Variants in NRCAM observed in about 807,000 individuals in gnomAD.
NRCAM encodes NgCAM-related cell adhesion molecule.
In NRCAM, 83 loss-of-function variants were observed where a neutral mutation model predicts 156.5. The ratio of observed to expected loss-of-function variants is 0.53; its 90% CI spans 0.44 to 0.64. The LOEUF (loss-of-function observed/expected upper bound fraction) is 0.64, where lower values mean the gene tolerates loss of function less well. NRCAM is among the 30% of genes least tolerant of loss of function. The pLI is 0.00. For missense variants in NRCAM, 1,417 were observed against 1,597.3 expected (o/e 0.89, Z 1.92); for synonymous variants, 538 against 563.9 (o/e 0.95, Z 0.65).
In NRCAM at chr7:108,245,656, T is replaced by C. The variant is rs187323523; in HGVS notation, c.-106-5486A>G. Among the ~76,000 whole-genome samples the C allele has an allele frequency of 2.0e-5, 3 of 152,346 alleles. No individual in the cohort carries two copies. The East Asian group carries it at 5.8e-4, about 29-fold the overall frequency. The stretch of plus-strand genomic sequence containing the variant: ...AAGCAGTCATTATTACCAAGTTTTG[T>C]GAATCCTTCCAGAGAGAGTTCAGGC... On this transcript the variant is annotated intron_variant, in intron 3 of 32. Transcript: ENST00000379028.
chr7:108,300,378 AAT>A (rs2098576704), intron 3 of NRCAM, among the ~76,000 whole-genome samples: 2 of 151,976 alleles, frequency 1.3e-5, no homozygotes, highest in African/African-American at 4.8e-5. Context: ...ATCTTTATGC[AAT>A]AAAATGTTAG....
chr7:108,360,493 T>G (rs2154316882), intron 2 of NRCAM, among the ~76,000 whole-genome samples: 1 of 152,312 alleles, frequency 6.6e-6, no homozygotes, highest in East Asian at 1.9e-4. Context: ...AAAATATTTC[T>G]AAGGCTAAAA....
chr7:108,158,642 G>C (rs1380067879), intron 32 of NRCAM, among the ~76,000 whole-genome samples: 2 of 151,808 alleles, frequency 1.3e-5, no homozygotes, highest in African/African-American at 4.8e-5. Context: ...TATTTAAAAG[G>C]TATTTTATAT....
chr7:108,155,843 C>T (rs985474754), intron 32 of NRCAM, among the ~76,000 whole-genome samples: 11 of 151,982 alleles, frequency 7.2e-5, no homozygotes, highest in African/African-American at 7.3e-5. Flanking sequence ...AGTTTTATGA[C>T]GGCAGACAAA....
rs555270949 is a variant in NRCAM at position 108,358,015 on chromosome 7, A to G, written c.-174+41421T>C. 5.9e-5 allele frequency among the ~76,000 whole-genome samples: 9 copies of G among 152,306 alleles called. No homozygotes were observed. In the South Asian group the frequency reaches 6.2e-4, roughly 11 times the overall value. On this transcript the variant is annotated intron_variant, in intron 2 of 32. Transcript: ENST00000379028. ...CTGACAATGTGTAAAATCTCAGGGAAGAATCTTGTGATTGAAATCTTCATA... is the reference window on the plus strand; with the variant it reads ...CTGACAATGTGTAAAATCTCAGGGAGGAATCTTGTGATTGAAATCTTCATA...
At chr7:108,334,171 G>C (rs191331244) in intron 2 of NRCAM, among the ~76,000 whole-genome samples, 1 of 152,212 alleles carries the variant, frequency 6.6e-6, no homozygotes, top group East Asian at 1.9e-4. Flanking sequence ...CATGTTTATG[G>C]ATGTGCCATT....
intron 2 of NRCAM, among the ~76,000 whole-genome samples, chr7:108,341,399 AGG>A (rs1347215759): frequency 1.3e-5 from 2 of 152,146 alleles, no homozygotes; most frequent in African/African-American, 4.8e-5. Flanking sequence ...TCACTATCCG[AGG>A]GGTCCTAGGA....
intron 29 of NRCAM, among the ~76,000 whole-genome samples, 154 bp from the exon 30 acceptor site, chr7:108,167,227 A>C (rs186679116): frequency 6.6e-6 from 1 of 152,370 alleles, no homozygotes; most frequent in East Asian, 1.9e-4. Context: ...AGTCATGTCA[A>C]ACAAATCAAT....
chr7:108,357,738 T>C (rs1278506862), intron 2 of NRCAM, among the ~76,000 whole-genome samples: 2 of 152,248 alleles, frequency 1.3e-5, no homozygotes, highest in Non-Finnish European at 2.9e-5. Context: ...GAAAGGCTCA[T>C]TGTTTTCTCT....
At position 108,194,163 on chromosome 7, in the gene NRCAM, A is replaced by G; in HGVS notation, c.1639T>C (p.Trp547Arg). 1 of 1,614,072 alleles carries G rather than the reference A, an allele frequency of 6.2e-7. No homozygotes were observed. The highest frequency in any genetic ancestry group is 8.5e-7 in the Non-Finnish European group (1 of 1,179,904). Residue 547 changes from tryptophan (W) to arginine (R), a missense_variant, in exon 17 of 33, where the codon TGG (tryptophan) becomes CGG (arginine). This residue lies in a region of NRCAM where 1,238 missense variants were observed against 1,336.4 expected (regional missense o/e 0.93). Transcript: ENST00000379028. The stretch of plus-strand genomic sequence containing the variant: ...GCATATTCGGGCTGTTTAACGATCC[A>G]TGTAGGATCTGAAATGTAGAGTCAT... ...EVHLEIKDPT[W>R]IVKQPEYAVV...
chr7:108,168,846 G>C (rs1049443199), intron 28 of NRCAM, among the ~76,000 whole-genome samples: 1 of 152,118 alleles, frequency 6.6e-6, no homozygotes, highest in Non-Finnish European at 1.5e-5. Context: ...CTCAATGCAG[G>C]TCTTTAAAAA....
chr7:108,248,911 C>T (rs1362816492), intron 3 of NRCAM, among the ~76,000 whole-genome samples: 1 of 152,068 alleles, frequency 6.6e-6, no homozygotes, highest in Non-Finnish European at 1.5e-5. Context: ...AAGTGACATC[C>T]TAGAGGATGG....
At position 108,278,170 on chromosome 7, in the gene NRCAM, C is replaced by T. The variant is rs188712352; in HGVS notation, c.-107+34495G>A. 1.2e-3 allele frequency among the ~76,000 whole-genome samples: 178 copies of T among 152,358 alleles called. 1 individual carries two copies. The highest frequency in any genetic ancestry group is 3.4e-3 in the Middle Eastern group (1 of 294). On this transcript the variant is annotated intron_variant, in intron 3 of 32. Transcript: ENST00000379028. ...TTTGTCAGTCCCTACTGGGAGGTGT[C>T]TCCCAGACAGGCTACACAGGGGTCA...
At chr7:108,395,930 C>T (rs777932872) in intron 2 of NRCAM, among the ~76,000 whole-genome samples, 4 of 152,202 alleles carry the variant, frequency 2.6e-5, no homozygotes, top group Non-Finnish European at 4.4e-5. Context: ...CTTGTGTTCA[C>T]AGTCTGCAAT....
In NRCAM at chr7:108,184,618, G is replaced by C; in HGVS notation, c.2036-4C>G. ...TCTTCATATTCGATGATGAATTCTG[G>C]TCACGACACACACACACCAAACCCA... On this transcript the variant is annotated splice_polypyrimidine_tract_variant and splice_region_variant and intron_variant, in intron 20 of 32. Coordinates refer to ENST00000379028, the MANE Select transcript of NRCAM (RefSeq NM_001037132.4). 1.2e-6 allele frequency: 2 copies of C among 1,611,230 alleles called. No individual in the cohort carries two copies. The highest frequency in any genetic ancestry group is 1.7e-6 in the Non-Finnish European group (2 of 1,179,476).
At chr7:108,286,822 G>A (rs1052322317) in intron 3 of NRCAM, among the ~76,000 whole-genome samples, 7 of 152,102 alleles carry the variant, frequency 4.6e-5, no homozygotes, top group Admixed American at 2.0e-4. Flanking sequence ...AATCAGATAC[G>A]ATATTTTTAT....
At chr7:108,394,751 T>C (rs922907922) in intron 2 of NRCAM, among the ~76,000 whole-genome samples, 1 of 151,820 alleles carries the variant, frequency 6.6e-6, no homozygotes, top group Non-Finnish European at 1.5e-5. Flanking sequence ...ATTTATGTTA[T>C]GTTGGGTGAA....
At chr7:108,449,368 C>T (rs139443441) in intron 1 of NRCAM, among the ~76,000 whole-genome samples, 18 of 152,306 alleles carry the variant, frequency 1.2e-4, no homozygotes, top group African/African-American at 4.1e-4. Flanking sequence ...CCAGCTCCCC[C>T]CTCCCTTCAC....
intron 3 of NRCAM, among the ~76,000 whole-genome samples, chr7:108,274,429 T>C (rs770260900): frequency 3.3e-4 from 50 of 152,214 alleles, no homozygotes; most frequent in Non-Finnish European, 5.7e-4. Context: ...GAGTGGTTTG[T>C]AGTTCTCCTT....
Sources: allele counts gnomAD v4.1 joint callset (sites outside exome capture counted in the v4.1 genomes callset), GRCh38; gene constraint gnomAD v4.1.1; regional missense constraint gnomAD v4.1.1; transcripts MANE v1.5; gene names NCBI Gene and HGNC (gene_info 2026-07-23, HGNC 2026-07-21).